NCBP3: variants seen among roughly 807,000 people sequenced by gnomAD.
NCBP3 encodes nuclear cap binding subunit 3.
NCBP3 carries 20 observed loss-of-function variants against 75.7 expected under a neutral mutation model. The ratio of observed to expected loss-of-function variants is 0.26; its 90% CI spans 0.19 to 0.38. The LOEUF (loss-of-function observed/expected upper bound fraction) is 0.38, where lower values mean the gene tolerates loss of function less well. Among genes scored for constraint, NCBP3 ranks in the 10% least tolerant of loss-of-function variants. NCBP3 has a pLI of 1.00. For synonymous variants in NCBP3, 293 were observed against 290.5 expected (o/e 1.01, Z -0.09); for missense variants, 678 against 796.9 (o/e 0.85, Z 1.80).
chr17:3,840,242 G>C, intron 2 of NCBP3, 37 bp from the exon 3 acceptor site: 1 of 1,515,798 alleles, frequency 6.6e-7, no homozygotes, highest in Non-Finnish European at 9.0e-7. Flanking sequence ...AGTAAAATAT[G>C]GAGAAGGCGA....
At position 3,805,683 on chromosome 17, in the gene NCBP3, A is replaced by T. The variant is rs547495581; in HGVS notation, c.*7361T>A. The T allele has an allele frequency of 6.6e-6, 1 of 152,334 alleles. No individual in the cohort carries two copies. Among genetic ancestry groups the T allele is most frequent in the Non-Finnish European group, 1.5e-5 (1 of 68,134 alleles). 9.4% of individuals were successfully genotyped at this position (152,334 alleles called of 1,614,324 possible). On this transcript the variant is annotated 3_prime_UTR_variant, in exon 13 of 13. Transcript: ENST00000389005. Reference sequence around the variant, plus strand: ...CACTGGGTGCTGGGACCAAGGGTCCAGGGGCTTGGATCTCTTGTTTACAAA... The same window carrying T: ...CACTGGGTGCTGGGACCAAGGGTCCTGGGGCTTGGATCTCTTGTTTACAAA...
chr17:3,832,611 A>G (rs1226019056), intron 3 of NCBP3, among the ~76,000 whole-genome samples: 5 of 151,126 alleles, frequency 3.3e-5, no homozygotes, highest in Admixed American at 3.3e-4. Context: ...AGCCTGGGTG[A>G]CAGAGCGAGA....
Position 3,826,723 on chromosome 17 carries a change from G to GGAAGGAAGGAAGGAAGGAAGGA in NCBP3, c.482-509_482-508insTCCTTCCTTCCTTCCTTCCTTC, listed in dbSNP as rs1348605267. On this transcript the variant is annotated intron_variant, in intron 4 of 12. Coordinates refer to ENST00000389005, the MANE Select transcript of NCBP3 (RefSeq NM_001114118.3). Reference sequence around the variant, plus strand: ...AGGAAGGAAGGAAGGAAGGAAGGAAGGAGAGAGAGAGATGAAAGAAAGAAA... The same window carrying GGAAGGAAGGAAGGAAGGAAGGA: ...AGGAAGGAAGGAAGGAAGGAAGGAAGGAAGGAAGGAAGGAAGGAAGGAGAGAGAGAGAGATGAAAGAAAGAAA... Among the ~76,000 whole-genome samples the GGAAGGAAGGAAGGAAGGAAGGA allele has an allele frequency of 5.4e-3, 796 of 146,386 alleles. 8 individuals are homozygous for GGAAGGAAGGAAGGAAGGAAGGA. The highest frequency in any genetic ancestry group is 7.1e-3 in the Middle Eastern group (2 of 282).
chr17:3,836,535 C>T lies in NCBP3; in HGVS notation c.355+3565G>A, dbSNP rs191799018. The stretch of plus-strand genomic sequence containing the variant: ...GGCCGTGGTGGCAGGTGCCTGTAAT[C>T]CCAGCTACTCAGGAAGCTGAGGCAG... On this transcript the variant is annotated intron_variant, in intron 3 of 12. Transcript: ENST00000389005. 4.6e-3 allele frequency among the ~76,000 whole-genome samples: 694 copies of T among 151,556 alleles called. 5 individuals carry two copies. The highest frequency in any genetic ancestry group is 0.016 in the African/African-American group (660 of 40,952).
intron 2 of NCBP3, among the ~76,000 whole-genome samples, chr17:3,840,790 A>T (rs921736248): frequency 6.6e-6 from 1 of 152,226 alleles, no homozygotes; most frequent in Admixed American, 6.5e-5. Context: ...TTTAAAAATA[A>T]CACCGAAGCA....
chr17:3,830,586 A>T lies in NCBP3; in HGVS notation c.356-1218T>A, dbSNP rs2053859833. Among the ~76,000 whole-genome samples the T allele has an allele frequency of 2.0e-5, 3 of 152,194 alleles. No individual in the cohort carries two copies. In the South Asian group the frequency reaches 6.2e-4, roughly 31 times the overall value. On this transcript the variant is annotated intron_variant, in intron 3 of 12. Coordinates refer to ENST00000389005, the MANE Select transcript of NCBP3 (RefSeq NM_001114118.3). Reference sequence around the variant, plus strand: ...AAAAAAGAAACTTAGCCTTATCAGGACTGCATACTTTTTATTTTTTGAGAT... The same window carrying T: ...AAAAAAGAAACTTAGCCTTATCAGGTCTGCATACTTTTTATTTTTTGAGAT...
chr17:3,832,597 C>G (rs951698334), intron 3 of NCBP3, among the ~76,000 whole-genome samples: 2 of 148,824 alleles, frequency 1.3e-5, no homozygotes, highest in African/African-American at 4.9e-5. Flanking sequence ...CACGACTGCA[C>G]TCCAGCCTGG....
rs1459201794 is a variant in NCBP3, at chr17:3,803,317, A to C, written c.*9727T>G. Reference sequence around the variant, plus strand: ...CAAACGAAAGGAGGCTGCAGAGAGGACAACTAAAGGCAGCGCTTGATCCTG... The same window carrying C: ...CAAACGAAAGGAGGCTGCAGAGAGGCCAACTAAAGGCAGCGCTTGATCCTG... On this transcript the variant is annotated 3_prime_UTR_variant, in exon 13 of 13. Coordinates refer to ENST00000389005, the MANE Select transcript of NCBP3 (RefSeq NM_001114118.3). 6.6e-6 allele frequency: 1 copy of C among 152,272 alleles called. No homozygotes were observed. Among genetic ancestry groups the C allele is most frequent in the Admixed American group, 6.5e-5 (1 of 15,282 alleles). The allele number at this position is 152,272 out of a possible 1,614,324, so 9.4% of individuals were successfully genotyped here. A position where few individuals can be genotyped will look rare whatever the true frequency, so the allele number is the denominator to read the frequency against.
Position 3,811,479 on chromosome 17 carries a change from G to A in NCBP3, c.*1565C>T, listed in dbSNP as rs2053412691. The A allele has an allele frequency of 6.6e-6, 1 of 152,202 alleles. No individual in the cohort carries two copies. Among genetic ancestry groups the A allele is most frequent in the African/African-American group, 2.4e-5 (1 of 41,450 alleles). 9.4% of individuals were successfully genotyped at this position (152,202 alleles called of 1,614,324 possible). A position where few individuals can be genotyped will look rare whatever the true frequency, so the allele number is the denominator to read the frequency against. ...ATATCCTCTAATCTCTCTAAAGGGAGGGAGAAAAAGCAAGGTTAATCAACA... is the reference window on the plus strand; with the variant it reads ...ATATCCTCTAATCTCTCTAAAGGGAAGGAGAAAAAGCAAGGTTAATCAACA... On this transcript the variant is annotated 3_prime_UTR_variant, in exon 13 of 13. Coordinates refer to ENST00000389005, the MANE Select transcript of NCBP3 (RefSeq NM_001114118.3).
chr17:3,829,170 C>A (rs1310156421), intron 4 of NCBP3, 73 bp downstream of exon 4: 1 of 1,502,568 alleles, frequency 6.7e-7, no homozygotes, highest in African/African-American at 1.4e-5. Context: ...GAACCATTCA[C>A]CATCTCTGAT....
At chr17:3,838,301 C>CA (rs1326123271) in intron 3 of NCBP3, among the ~76,000 whole-genome samples, 1 of 152,244 alleles carries the variant, frequency 6.6e-6, no homozygotes, top group Non-Finnish European at 1.5e-5. Flanking sequence ...CAAGCCGCCT[C>CA]AAGGAATGCT....
intron 2 of NCBP3, among the ~76,000 whole-genome samples, chr17:3,842,428 A>G (rs2054081533): frequency 6.6e-6 from 1 of 152,104 alleles, no homozygotes; most frequent in Admixed American, 6.5e-5. Context: ...CCACCTAAAT[A>G]TGGGGGGCCT....
chr17:3,827,203 A>C (rs534431129), intron 4 of NCBP3, among the ~76,000 whole-genome samples: 1 of 152,282 alleles, frequency 6.6e-6, no homozygotes, highest in Admixed American at 6.5e-5. Flanking sequence ...TCCACAAAAT[A>C]ACTTAAGTAT....
chr17:3,813,253 C>T lies in NCBP3; in HGVS notation c.1654G>A (p.Ala552Thr), dbSNP rs761643181. ...GTATTCTTTTCTTTGGTCTTGGGTG[C>T]AGATCCTAGGCGAGTCCATAAATTA... Reference protein sequence around the residue: ...SGNLWTRLGSAPKTKEKNTKK... With the variant: ...SGNLWTRLGSTPKTKEKNTKK... Residue 552 changes from alanine to threonine, a missense_variant, in exon 13 of 13, where the codon GCA becomes ACA. Transcript: ENST00000389005. 1.2e-6 allele frequency: 2 copies of T among 1,614,198 alleles called. No individual in the cohort carries two copies. Among genetic ancestry groups the T allele is most frequent in the South Asian group, 1.1e-5 (1 of 91,086 alleles).
chr17:3,816,153 G>A lies in NCBP3; in HGVS notation c.1428C>T (p.His476=), dbSNP rs61731024. 42,891 of 1,614,060 alleles carry A rather than the reference G, an allele frequency of 0.027. 851 individuals are homozygous for A. The highest frequency in any genetic ancestry group is 0.1 in the Admixed American group (6,252 of 59,978). ...TGCTGACTGGTGGCCGTGGACGGGAGTGCTGACGTTTCTCATCTAATAGAT... is the reference window on the plus strand; with the variant it reads ...TGCTGACTGGTGGCCGTGGACGGGAATGCTGACGTTTCTCATCTAATAGAT... ...VRHLLDEKRQ[H]SRPRPPVSST... The change falls in exon 11 of 13, where the codon CAC becomes CAT. Residue 476 remains histidine, a synonymous_variant. Transcript: ENST00000389005.
Position 3,812,510 on chromosome 17 carries a change from C to T in NCBP3, c.*534G>A. The T allele has an allele frequency of 1.0e-6, 1 of 993,760 alleles. No homozygotes were observed. The highest frequency in any genetic ancestry group is 1.2e-6 in the Non-Finnish European group (1 of 834,880). The allele number at this position is 993,760 out of a possible 1,614,324, so 61.6% of individuals were successfully genotyped here. A position where few individuals can be genotyped will look rare whatever the true frequency, so the allele number is the denominator to read the frequency against. On this transcript the variant is annotated 3_prime_UTR_variant, in exon 13 of 13. Transcript: ENST00000389005. ...CTTATCTACCTGGGCGGCACTGGTG[C>T]ACCTCTGAGGTCAGGTCCGTGAGAT...
At chr17:3,832,401 G>A (rs8067015) in intron 3 of NCBP3, among the ~76,000 whole-genome samples, 81,930 of 117,054 alleles carry the variant, frequency 0.7, 35,639 homozygotes, top group African/African-American at 0.86. Flanking sequence ...TGGGAGGCCG[G>A]GGCGGGCAGA....
intron 4 of NCBP3, among the ~76,000 whole-genome samples, chr17:3,826,912 C>G (rs1243347572): frequency 6.6e-6 from 1 of 150,446 alleles, no homozygotes; most frequent in Non-Finnish European, 1.5e-5. Flanking sequence ...ACTCGGGAGG[C>G]TGAGGCAGAA....
At chr17:3,843,241 TCC>T (rs201021576) in intron 1 of NCBP3, 90 bp from the exon 2 acceptor site, 1 of 971,942 alleles carries the variant, frequency 1.0e-6, no homozygotes, top group South Asian at 1.5e-5. Flanking sequence ...GGTTCTTTTT[TCC>T]TTTTTTTTTT....
Sources: allele counts gnomAD v4.1 joint callset (sites outside exome capture counted in the v4.1 genomes callset), GRCh38; gene constraint gnomAD v4.1.1; transcripts MANE v1.5; gene names NCBI Gene and HGNC (gene_info 2026-07-23, HGNC 2026-07-21).